Variants in ADGRL2 observed in about 807,000 individuals in gnomAD.
ADGRL2 encodes the protein calcium-independent alpha-latrotoxin receptor 2.
In ADGRL2, 44 loss-of-function variants were observed where a neutral mutation model predicts 157.4. That is an observed-to-expected ratio of 0.28 (90% CI 0.22 to 0.36). The LOEUF is 0.36. Ranked by LOEUF, ADGRL2 falls within the 10% of genes least tolerant of loss-of-function variation. ADGRL2 has a pLI of 1.00. For synonymous variants in ADGRL2, 585 were observed against 624.7 expected, an observed-to-expected ratio of 0.94 and a Z score of 0.95; for missense variants, 1,510 against 1,768.9, an observed-to-expected ratio of 0.85 and a Z score of 2.63.
intron 1 of ADGRL2, among the ~76,000 whole-genome samples, chr1:81,432,277 G>A (rs547135010): frequency 3.1e-4 from 47 of 152,334 alleles, no homozygotes; most frequent in African/African-American, 1.1e-3. Context: ...ACAATAGGGC[G>A]ATTGTCAGCT....
intron 1 of ADGRL2, among the ~76,000 whole-genome samples, chr1:81,804,337 T>C (rs1380007832): frequency 2.6e-5 from 4 of 152,334 alleles, no homozygotes; most frequent in South Asian, 2.1e-4. Flanking sequence ...TGTTTGCCTC[T>C]AAAAGAGGTG....
intron 1 of ADGRL2, among the ~76,000 whole-genome samples, chr1:81,390,498 A>T (rs1322161691): frequency 1.3e-5 from 2 of 152,306 alleles, no homozygotes; most frequent in Non-Finnish European, 2.9e-5. Context: ...AATTTTTAAG[A>T]TACAAATGAT....
At chr1:81,906,605 A>G (rs896904308) in intron 2 of ADGRL2, among the ~76,000 whole-genome samples, 3 of 152,098 alleles carry the variant, frequency 2.0e-5, no homozygotes, top group African/African-American at 7.3e-5. Context: ...TGTATACATT[A>G]AATAAGAAAG....
At chr1:81,714,135 A>G (rs1374101320) in intron 1 of ADGRL2, among the ~76,000 whole-genome samples, 2 of 152,168 alleles carry the variant, frequency 1.3e-5, no homozygotes, top group African/African-American at 4.8e-5. Context: ...ACCTCCCACC[A>G]GGTCCCTCCC....
At chr1:81,393,094 C>G (rs2076587961) in intron 1 of ADGRL2, among the ~76,000 whole-genome samples, 4 of 151,904 alleles carry the variant, frequency 2.6e-5, no homozygotes, top group African/African-American at 9.7e-5. Context: ...TTGTTCTTTT[C>G]TCTCCAATGG....
intron 3 of ADGRL2, among the ~76,000 whole-genome samples, chr1:81,924,998 C>T (rs1049249238): frequency 1.3e-5 from 2 of 151,998 alleles, no homozygotes; most frequent in Non-Finnish European, 2.9e-5. Flanking sequence ...GAACAGAATA[C>T]TTGTATGAAA....
At chr1:81,588,456 A>G (rs1181523212) in intron 3 of ADGRL2, 1 of 152,178 alleles carries the variant, frequency 6.6e-6, no homozygotes, top group Non-Finnish European at 1.5e-5. Flanking sequence ...TGTATAAGAT[A>G]AAGATGAGTA....
At chr1:81,858,044 A>T (rs1267236020) in intron 2 of ADGRL2, among the ~76,000 whole-genome samples, 2 of 152,254 alleles carry the variant, frequency 1.3e-5, no homozygotes, top group East Asian at 3.9e-4. Flanking sequence ...GGGAAATAGG[A>T]AAAGTTAAAA....
chr1:81,651,436 A>G (rs1286479241), intron 3 of ADGRL2, among the ~76,000 whole-genome samples: 2 of 152,222 alleles, frequency 1.3e-5, no homozygotes, highest in African/African-American at 4.8e-5. Context: ...TAAGTGTAAT[A>G]AAACAATGGC....
chr1:81,888,706 C>T (rs2094189937), intron 2 of ADGRL2, among the ~76,000 whole-genome samples: 1 of 152,130 alleles, frequency 6.6e-6, no homozygotes, highest in Non-Finnish European at 1.5e-5. Flanking sequence ...CCCCCCTTGG[C>T]CTCCCAAAGT....
At chr1:81,589,201 G>C (rs1028734740) in intron 3 of ADGRL2, among the ~76,000 whole-genome samples, 7 of 152,148 alleles carry the variant, frequency 4.6e-5, no homozygotes, top group African/African-American at 7.2e-5. Flanking sequence ...TGAACTCCAC[G>C]AGCATGTGCC....
In ADGRL2 at chr1:81,943,102, C is replaced by A; in HGVS notation, c.543C>A (p.Pro181=). The part of the protein sequence containing the change: ...ADKIYFMPWT[P]YRTDTLIEYA... ...AAATTTATTTCATGCCCTGGACTCC[C>A]TATCGTACCGATACTTTAATAGAAT... The change falls in exon 6 of 24, where the codon CCC becomes CCA. Residue 181 remains proline (P), a synonymous_variant. Coordinates refer to ENST00000686636, the MANE Select transcript of ADGRL2 (RefSeq NM_001366006.2). The surrounding 1 kb of genome is among the most constrained non-coding windows in gnomAD (Gnocchi z 5.6). 6.2e-7 allele frequency: 1 copy of A among 1,613,442 alleles called. No individual in the cohort carries two copies. The highest frequency in any genetic ancestry group is 8.5e-7 in the Non-Finnish European group (1 of 1,179,546).
chr1:81,423,548 A>G (rs1333777921), intron 1 of ADGRL2, among the ~76,000 whole-genome samples: 1 of 152,128 alleles, frequency 6.6e-6, no homozygotes, highest in Non-Finnish European at 1.5e-5. Context: ...GGACTCTATA[A>G]CTCAGATTCT....
At chr1:81,796,415 T>G (rs559727181), upstream of ADGRL2, among the ~76,000 whole-genome samples, 3 of 152,336 alleles carry the variant, frequency 2.0e-5, no homozygotes, top group Admixed American at 6.5e-5. Context: ...TTACACTTTG[T>G]GATCTGACAG....
chr1:81,315,521 T>C (rs1220006104), intron 1 of ADGRL2, among the ~76,000 whole-genome samples: 1 of 152,194 alleles, frequency 6.6e-6, no homozygotes, highest in East Asian at 1.9e-4. Context: ...GAATTAATAA[T>C]AGACAGATAT....
At chr1:81,527,744 G>C (rs2079497731) in intron 2 of ADGRL2, among the ~76,000 whole-genome samples, 1 of 151,494 alleles carries the variant, frequency 6.6e-6, no homozygotes, top group Non-Finnish European at 1.5e-5. Flanking sequence ...GAGCTGCCTT[G>C]TCCTTTCCAC....
chr1:81,423,410 C>A (rs919485422), intron 1 of ADGRL2, among the ~76,000 whole-genome samples: 3 of 152,102 alleles, frequency 2.0e-5, no homozygotes, highest in African/African-American at 7.2e-5. Flanking sequence ...ACCTACTATT[C>A]AATGCTGTCT....
intron 11 of ADGRL2, among the ~76,000 whole-genome samples, chr1:81,962,618 G>A (rs748501187): frequency 3.3e-5 from 5 of 151,982 alleles, no homozygotes; most frequent in Non-Finnish European, 5.9e-5. Context: ...TACTTCCCTT[G>A]TAAATGATAA....
chr1:81,852,957 A>T (rs937009685), intron 2 of ADGRL2, among the ~76,000 whole-genome samples: 3 of 152,118 alleles, frequency 2.0e-5, no homozygotes, highest in African/African-American at 7.2e-5. Flanking sequence ...AAAAATCAAC[A>T]TTTTTTTGGT....
Sources: allele counts gnomAD v4.1 joint callset (sites outside exome capture counted in the v4.1 genomes callset), GRCh38; gene constraint gnomAD v4.1.1; non-coding constraint Gnocchi (gnomAD v3.1); transcripts MANE v1.5; gene names NCBI Gene and HGNC (gene_info 2026-07-23, HGNC 2026-07-21).